The following CTNNA3 variants were observed in gnomAD, a reference collection of about 807,000 sequenced individuals.
CTNNA3 encodes catenin alpha-3.
In CTNNA3, 76 loss-of-function variants were observed where a neutral mutation model predicts 95.7. The observed-to-expected ratio is 0.79, with a 90% CI of 0.66 to 0.96. The LOEUF is 0.96. Among genes scored for constraint, CTNNA3 ranks in the 40% least tolerant of loss-of-function variants. CTNNA3 has a pLI of 0.00. For synonymous variants in CTNNA3, 431 were observed against 374.4 expected (o/e 1.15, Z -1.74); for missense variants, 1,191 against 1,089.8 (o/e 1.09, Z -1.31).
In CTNNA3 at chr10:66,330,217, C is replaced by G. The variant is rs371041929; in HGVS notation, c.1732+48935G>C. Among the ~76,000 whole-genome samples, 14 of 151,856 alleles carry G rather than the reference C, an allele frequency of 9.2e-5. 1 individual carries two copies. Among genetic ancestry groups the G allele is most frequent in the Non-Finnish European group, 1.3e-4 (9 of 67,858 alleles). On this transcript the variant is annotated intron_variant, in intron 12 of 17. Coordinates refer to ENST00000433211, the MANE Select transcript of CTNNA3 (RefSeq NM_013266.4). ...ATATCTCCTAATGCTATCCCTCCCC[C>G]CCTCTCCCCACCCCACAACAGGCCC... is the stretch of plus-strand genomic sequence containing the variant.
intron 9 of CTNNA3, among the ~76,000 whole-genome samples, chr10:66,733,888 A>G (rs1302525145): frequency 1.3e-5 from 2 of 151,780 alleles, no homozygotes; most frequent in African/African-American, 4.8e-5. Flanking sequence ...AATCTTTAAA[A>G]AACAATTTCT....
At chr10:67,480,473 G>A (rs1304518801) in intron 5 of CTNNA3, among the ~76,000 whole-genome samples, 1 of 152,204 alleles carries the variant, frequency 6.6e-6, no homozygotes, top group South Asian at 2.1e-4. Flanking sequence ...TGGCTATGAT[G>A]CCCATGCTGG....
At chr10:67,022,089 C>A (rs1589616434) in intron 7 of CTNNA3, among the ~76,000 whole-genome samples, 2 of 152,130 alleles carry the variant, frequency 1.3e-5, no homozygotes, top group Non-Finnish European at 2.9e-5. Context: ...GGAACTTGGA[C>A]CTTCCCTGAA....
chr10:66,444,343 G>A (rs1034067246), intron 11 of CTNNA3, among the ~76,000 whole-genome samples: 3 of 151,986 alleles, frequency 2.0e-5, no homozygotes, highest in Admixed American at 6.6e-5. Flanking sequence ...GATACTCCTC[G>A]AGAAGAGCAA....
intron 7 of CTNNA3, among the ~76,000 whole-genome samples, chr10:66,845,619 C>T (rs1009735540): frequency 6.9e-5 from 10 of 145,858 alleles, no homozygotes; most frequent in African/African-American, 2.3e-4. Context: ...AGGAGAATCG[C>T]TTGAACCCGG....
At chr10:67,267,329 T>C (rs554816589) in intron 5 of CTNNA3, among the ~76,000 whole-genome samples, 1 of 152,198 alleles carries the variant, frequency 6.6e-6, no homozygotes, top group Non-Finnish European at 1.5e-5. Flanking sequence ...TGTGTGTGTG[T>C]GTGCATGTAA....
intron 5 of CTNNA3, among the ~76,000 whole-genome samples, chr10:67,499,194 ATGGGT>A (rs1839145440): frequency 6.6e-6 from 1 of 151,732 alleles, no homozygotes; most frequent in Admixed American, 6.6e-5. Flanking sequence ...TGAGATATTC[ATGGGT>A]TTTGTCGTTG....
intron 12 of CTNNA3, among the ~76,000 whole-genome samples, chr10:66,288,118 T>C (rs1199080874): frequency 6.6e-6 from 1 of 152,074 alleles, no homozygotes; most frequent in Non-Finnish European, 1.5e-5. Context: ...AAATTGTATA[T>C]ACAGATATAT....
At chr10:66,219,328 A>G (rs1318417006) in intron 13 of CTNNA3, among the ~76,000 whole-genome samples, 3 of 152,144 alleles carry the variant, frequency 2.0e-5, no homozygotes, top group Admixed American at 6.5e-5. Context: ...CCAGGCCCCA[A>G]AATGGCTCCC....
intron 3 of CTNNA3, among the ~76,000 whole-genome samples, chr10:67,592,455 T>G (rs1842817623): frequency 6.6e-6 from 1 of 151,942 alleles, no homozygotes; most frequent in Non-Finnish European, 1.5e-5. Context: ...TCTCTTCCAC[T>G]CGCCGAACTA....
chr10:67,511,191 C>A (rs1417398184), intron 5 of CTNNA3, among the ~76,000 whole-genome samples: 1 of 152,298 alleles, frequency 6.6e-6, no homozygotes, highest in South Asian at 2.1e-4. Context: ...ACTTCTTTCT[C>A]TTGCCTGATT....
intron 5 of CTNNA3, among the ~76,000 whole-genome samples, chr10:67,509,466 T>C (rs1839536961): frequency 6.6e-6 from 1 of 152,144 alleles, no homozygotes; most frequent in Non-Finnish European, 1.5e-5. Flanking sequence ...CTTGTGATAG[T>C]TTGCTGAGGA....
intron 9 of CTNNA3, among the ~76,000 whole-genome samples, chr10:66,712,576 G>A (rs904673014): frequency 2.0e-5 from 3 of 146,636 alleles, no homozygotes; most frequent in African/African-American, 5.0e-5. Context: ...TCTCTTAATC[G>A]CTCTCACTCT....
At chr10:67,594,016 C>T (rs1030183519) in intron 3 of CTNNA3, among the ~76,000 whole-genome samples, 1 of 151,980 alleles carries the variant, frequency 6.6e-6, no homozygotes, top group African/African-American at 2.4e-5. Flanking sequence ...TTGAGATGAT[C>T]GTGTGTTGTC....
At chr10:66,743,974 CAAAAAAA>C (rs536825430) in intron 9 of CTNNA3, among the ~76,000 whole-genome samples, 13 of 45,060 alleles carry the variant, frequency 2.9e-4, no homozygotes, top group East Asian at 4.7e-4. Context: ...GATTCCATCT[CAAAAAAA>C]AAAAAAAAAA....
chr10:66,199,805 A>ATTTTT lies in CTNNA3; in HGVS notation c.1884+80660_1884+80664dup, dbSNP rs1226520776. Among the ~76,000 whole-genome samples the ATTTTT allele has an allele frequency of 1.7e-3, 24 of 14,270 alleles. 1 individual carries two copies. The highest frequency in any genetic ancestry group is 7.1e-3 in the African/African-American group (18 of 2,532). 9.4% of individuals were successfully genotyped at this position (14,270 alleles called of 152,430 possible). A position where few individuals can be genotyped will look rare whatever the true frequency, so the allele number is the denominator to read the frequency against. The stretch of plus-strand genomic sequence containing the variant: ...TATATATATATATATATATATATAT[A>ATTTTT]TTTTTTTTTTTTTTTTTTTTTTTTT... On this transcript the variant is annotated intron_variant, in intron 13 of 17. Coordinates refer to ENST00000433211, the MANE Select transcript of CTNNA3 (RefSeq NM_013266.4).
At chr10:67,557,467 T>C (rs995511279) in intron 3 of CTNNA3, among the ~76,000 whole-genome samples, 7 of 152,224 alleles carry the variant, frequency 4.6e-5, no homozygotes, top group African/African-American at 1.4e-4. Context: ...GTTGCCTATA[T>C]TGATCCATCT....
chr10:66,273,762 G>T (rs2091331318), intron 13 of CTNNA3, among the ~76,000 whole-genome samples: 1 of 151,990 alleles, frequency 6.6e-6, no homozygotes, highest in Non-Finnish European at 1.5e-5. Flanking sequence ...ATAAAATTTG[G>T]AAATTAAAAC....
intron 15 of CTNNA3, among the ~76,000 whole-genome samples, chr10:66,052,342 G>T (rs112954826): frequency 2.5e-3 from 382 of 152,228 alleles, no homozygotes; most frequent in Non-Finnish European, 3.2e-3. Flanking sequence ...AGGAAATGTG[G>T]TCACAAAATA....
Sources: gnomAD v4.1 joint callset for allele counts (sites outside exome capture counted in the v4.1 genomes callset) on GRCh38, gnomAD v4.1.1 for gene constraint, MANE v1.5 for transcripts, NCBI Gene and HGNC (gene_info 2026-07-23, HGNC 2026-07-21) for gene names.